Variants in ATCAY observed in about 807,000 individuals in gnomAD.
ATCAY encodes caytaxin.
A neutral mutation model predicts 47.7 loss-of-function variants in ATCAY; 22 were observed. That is an observed-to-expected ratio of 0.46 (90% CI 0.33 to 0.66). The LOEUF (loss-of-function observed/expected upper bound fraction) is 0.66, where lower values mean the gene tolerates loss of function less well. Ranked by LOEUF, ATCAY falls within the 30% of genes least tolerant of loss-of-function variation. ATCAY has a pLI of 0.02. For synonymous variants in ATCAY, 216 were observed against 207.6 expected, an observed-to-expected ratio of 1.04 and a Z score of -0.35; for missense variants, 452 against 515.0, an observed-to-expected ratio of 0.88 and a Z score of 1.18.
chr19:3,885,642 G>A, intron 1 of ATCAY, 85 bp from the exon 2 acceptor site: 1 of 680,434 alleles, frequency 1.5e-6, no homozygotes, highest in Middle Eastern at 4.1e-4. Flanking sequence ...GAGGGGGAGT[G>A]GGAGGGGGAA....
At chr19:3,924,547 A>T in intron 12 of ATCAY, 36 bp from the exon 13 acceptor site, 1 of 1,613,680 alleles carries the variant, frequency 6.2e-7, no homozygotes, top group South Asian at 1.1e-5. Flanking sequence ...TTTAACATTA[A>T]CAGCAATAAC....
chr19:3,897,643 C>T (rs1333955243), intron 2 of ATCAY, among the ~76,000 whole-genome samples: 1 of 151,992 alleles, frequency 6.6e-6, no homozygotes, highest in African/African-American at 2.4e-5. Flanking sequence ...TACAGTGGCT[C>T]ACGCATGTAA....
chr19:3,887,892 A>G (rs1364434358), intron 2 of ATCAY, among the ~76,000 whole-genome samples: 2 of 151,360 alleles, frequency 1.3e-5, no homozygotes, highest in Non-Finnish European at 2.9e-5. Flanking sequence ...GCAGATCACA[A>G]GGTCAGGAAT....
rs529937786 is a variant in ATCAY, at chr19:3,899,566, C to T, written c.78-2921C>T. ...CTGACCTCAGGTGATCCGCCCGCCT[C>T]GGCCTCCCTAAGTGCCAGGATTACA... On this transcript the variant is annotated intron_variant, in intron 2 of 12. Coordinates refer to ENST00000450849, the MANE Select transcript of ATCAY (RefSeq NM_033064.5). Among the ~76,000 whole-genome samples, 5 of 152,168 alleles carry T rather than the reference C, an allele frequency of 3.3e-5. No homozygotes were observed. In the South Asian group the frequency reaches 6.2e-4, roughly 19 times the overall value.
chr19:3,893,997 T>C (rs929162033), intron 2 of ATCAY, among the ~76,000 whole-genome samples: 9 of 152,096 alleles, frequency 5.9e-5, no homozygotes, highest in Admixed American at 3.9e-4. Context: ...GTGCCTTCCA[T>C]CTGGAGTGCT....
At chr19:3,889,804 C>T (rs942621221) in intron 2 of ATCAY, among the ~76,000 whole-genome samples, 2 of 152,004 alleles carry the variant, frequency 1.3e-5, no homozygotes, top group African/African-American at 4.8e-5. Context: ...ACCAGGTGGT[C>T]ATGAAATTTT....
Position 3,927,098 on chromosome 19 carries a change from G to C in ATCAY, c.*2506G>C, listed in dbSNP as rs1357724123. 2 of 152,224 alleles carry C rather than the reference G, an allele frequency of 1.3e-5. No individual in the cohort carries two copies. The highest frequency in any genetic ancestry group is 3.9e-4 in the East Asian group (2 of 5,182). 9.4% of individuals were successfully genotyped at this position (152,224 alleles called of 1,614,324 possible). The stretch of plus-strand genomic sequence containing the variant: ...TAGCTGGGTGTGGTGGCGCGCACCT[G>C]TAGTCCCAGCTACTCAGGAGGCTGA... On this transcript the variant is annotated 3_prime_UTR_variant, in exon 13 of 13. Coordinates refer to ENST00000450849, the MANE Select transcript of ATCAY (RefSeq NM_033064.5).
intron 6 of ATCAY, among the ~76,000 whole-genome samples, chr19:3,908,610 CCCTCCTCCTCACTGT>C (rs1304390092): frequency 1.5e-4 from 22 of 144,118 alleles, no homozygotes; most frequent in Non-Finnish European, 2.3e-4. Context: ...CTCCTCCTTC[CCCTCCTCCTCACTGT>C]CCTCCTCCTC....
At chr19:3,897,851 T>C (rs2038783109) in intron 2 of ATCAY, among the ~76,000 whole-genome samples, 1 of 152,050 alleles carries the variant, frequency 6.6e-6, no homozygotes, top group Non-Finnish European at 1.5e-5. Flanking sequence ...GAGGTTGCAG[T>C]GAGCCAAGAT....
chr19:3,885,276 G>A (rs950867547), intron 1 of ATCAY, among the ~76,000 whole-genome samples: 10 of 150,124 alleles, frequency 6.7e-5, no homozygotes, highest in Non-Finnish European at 1.0e-4. Flanking sequence ...AAAATTAGCC[G>A]GGTGTGATGG....
chr19:3,888,201 C>T (rs61580354), intron 2 of ATCAY, among the ~76,000 whole-genome samples: 13 of 152,088 alleles, frequency 8.5e-5, no homozygotes, highest in Non-Finnish European at 1.5e-5. Context: ...AAGATAGCTG[C>T]TCATCCCTCT....
chr19:3,910,402 C>T (rs933950928), intron 7 of ATCAY, among the ~76,000 whole-genome samples: 3 of 152,162 alleles, frequency 2.0e-5, no homozygotes, highest in African/African-American at 4.8e-5. Context: ...TTGTAAATAG[C>T]CTCAGAGTGA....
intron 2 of ATCAY, among the ~76,000 whole-genome samples, chr19:3,894,062 G>A (rs1232308101): frequency 6.6e-6 from 1 of 152,074 alleles, no homozygotes; most frequent in Non-Finnish European, 1.5e-5. Context: ...ACACTTAAAA[G>A]TCGCTTCCAG....
chr19:3,900,196 C>CT (rs35138325), intron 2 of ATCAY, among the ~76,000 whole-genome samples: 1,795 of 144,374 alleles, frequency 0.012, 9 homozygotes, highest in Middle Eastern at 0.056. Context: ...TCTTTTCTCT[C>CT]TTTTTTTTTT....
chr19:3,887,708 G>A (rs1037482388), intron 2 of ATCAY, among the ~76,000 whole-genome samples: 19 of 150,058 alleles, frequency 1.3e-4, no homozygotes, highest in Non-Finnish European at 2.1e-4. Context: ...GGATGGTCTC[G>A]ATCGTCTGAC....
At position 3,907,935 on chromosome 19, in the gene ATCAY, C is replaced by T. The variant is rs569979809; in HGVS notation, c.544+16C>T. 22 of 1,609,030 alleles carry T rather than the reference C, an allele frequency of 1.4e-5. No homozygotes were observed. The highest frequency in any genetic ancestry group is 8.0e-5 in the African/African-American group (6 of 74,832). On this transcript the variant is annotated intron_variant, in intron 5 of 12. Coordinates refer to ENST00000450849, the MANE Select transcript of ATCAY (RefSeq NM_033064.5). The surrounding 1 kb of genome is among the most constrained non-coding windows in gnomAD (Gnocchi z 5.1). ...ACCCACGGAGGTGAGACCCGCCCCC[C>T]GGTGCCCCCTTGGGGCTCCAGCCCG... is the stretch of plus-strand genomic sequence containing the variant.
chr19:3,906,157 C>T (rs1355538984), intron 4 of ATCAY, among the ~76,000 whole-genome samples: 3 of 133,696 alleles, frequency 2.2e-5, no homozygotes, highest in South Asian at 2.3e-4. Context: ...GGCGACAGAG[C>T]GAGACTCCGT....
At chr19:3,915,369 G>C (rs2038958278) in intron 9 of ATCAY, among the ~76,000 whole-genome samples, 1 of 143,146 alleles carries the variant, frequency 7.0e-6, no homozygotes, top group East Asian at 2.1e-4. Flanking sequence ...ATTTTTAGTA[G>C]AGACAGGGTT....
Position 3,905,577 on chromosome 19 carries a change from A to T in ATCAY, c.280A>T (p.Asn94Tyr), listed in dbSNP as rs538100482. 21 of 1,613,740 alleles carry T rather than the reference A, an allele frequency of 1.3e-5. No individual in the cohort carries two copies. The highest frequency in any genetic ancestry group is 1.8e-5 in the Non-Finnish European group (21 of 1,179,862). Residue 94 changes from asparagine to tyrosine, a missense_variant, in exon 4 of 13, where the codon AAC becomes TAC. Coordinates refer to ENST00000450849, the MANE Select transcript of ATCAY (RefSeq NM_033064.5). ...FLDTPDDLDI[N>Y]VDDIETPDET... ...GGATACCCCTGATGACCTGGATATT[A>T]ACGTGGATGACATCGAGACCCCCGA...
Sources: gnomAD v4.1 joint callset for allele counts (sites outside exome capture counted in the v4.1 genomes callset) on GRCh38, gnomAD v4.1.1 for gene constraint, Gnocchi (gnomAD v3.1) non-coding constraint, MANE v1.5 for transcripts, NCBI Gene and HGNC (gene_info 2026-07-23, HGNC 2026-07-21) for gene names.